The following VNN1 variants were observed in gnomAD, a reference collection of about 807,000 sequenced individuals.
VNN1 encodes pantetheinase.
A neutral mutation model predicts 41.9 loss-of-function variants in VNN1; 29 were observed. The observed-to-expected ratio is 0.69, with a 90% CI of 0.52 to 0.94. VNN1 has a LOEUF of 0.94. Ranked by LOEUF, VNN1 falls within the 40% of genes least tolerant of loss-of-function variation. The pLI is 0.00. For missense variants in VNN1, 637 were observed against 621.1 expected (o/e 1.03, Z -0.27); for synonymous variants, 233 against 224.4 (o/e 1.04, Z -0.34).
Position 132,696,921 on chromosome 6 carries a change from C to T in VNN1, c.342-2739G>A, listed in dbSNP as rs113665641. On this transcript the variant is annotated intron_variant, in intron 2 of 6. Coordinates refer to ENST00000367928, the MANE Select transcript of VNN1 (RefSeq NM_004666.3). ...GAGATCGAGACCATCCTGGCTAACA[C>T]GGTGAAACCCCGTCTCCACTAAAAA... 7.7e-3 allele frequency among the ~76,000 whole-genome samples: 1,171 copies of T among 151,874 alleles called. 18 individuals are homozygous for T. The highest frequency in any genetic ancestry group is 0.027 in the African/African-American group (1,105 of 41,430).
intron 5 of VNN1, among the ~76,000 whole-genome samples, chr6:132,689,707 T>C (rs953510825): frequency 6.6e-6 from 1 of 152,230 alleles, no homozygotes; most frequent in South Asian, 2.1e-4. Context: ...GTCTCCTTTG[T>C]CGTATCATTC....
intron 2 of VNN1, among the ~76,000 whole-genome samples, chr6:132,695,938 T>C (rs1778364199): frequency 6.6e-6 from 1 of 151,704 alleles, no homozygotes; most frequent in African/African-American, 2.4e-5. Flanking sequence ...ACCAAAAAAA[T>C]CACAAATCAT....
In VNN1 at chr6:132,692,320, T is replaced by G. The variant is rs1562215522; in HGVS notation, c.1091A>C (p.His364Pro). 6.2e-7 allele frequency: 1 copy of G among 1,614,230 alleles called. No homozygotes were observed. Among genetic ancestry groups the G allele is most frequent in the East Asian group, 2.2e-5 (1 of 44,886 alleles). Residue 364 changes from histidine (H) to proline (P), a missense_variant, in exon 5 of 7, where the codon CAT becomes CCT. His to Pro is a moderately conservative substitution (Grantham distance 77). Coordinates refer to ENST00000367928, the MANE Select transcript of VNN1 (RefSeq NM_004666.3). The stretch of plus-strand genomic sequence containing the variant: ...GTTCTCAGACATTTTGTAGCTTAAA[T>G]GACAGCAGAGATCTTTCTGACAAAC... ...YTVCQKDLCC[H>P]LSYKMSENIP...
At position 132,709,676 on chromosome 6, in the gene VNN1, G is replaced by A. The variant is rs905251529; in HGVS notation, c.341+2033C>T. Among the ~76,000 whole-genome samples, 109 of 148,982 alleles carry A rather than the reference G, an allele frequency of 7.3e-4. 1 individual carries two copies. In the East Asian group the frequency reaches 0.018, roughly 25 times the overall value. ...GTCTCTCTCTCAAAAAAAAAAAAAA[G>A]AGAGAGAGAGACAGAGAGAATTAAG... On this transcript the variant is annotated intron_variant, in intron 2 of 6. Coordinates refer to ENST00000367928, the MANE Select transcript of VNN1 (RefSeq NM_004666.3).
chr6:132,712,737 A>G (rs540122243), intron 1 of VNN1, among the ~76,000 whole-genome samples: 7 of 152,328 alleles, frequency 4.6e-5, no homozygotes, highest in South Asian at 2.1e-4. Context: ...GCACCTTCCA[A>G]TTAGAGAGTC....
intron 1 of VNN1, among the ~76,000 whole-genome samples, chr6:132,712,490 T>C (rs1778616810): frequency 6.6e-6 from 1 of 152,162 alleles, no homozygotes; most frequent in African/African-American, 2.4e-5. Context: ...CATTGTTGTT[T>C]CCTATGGCAG....
In VNN1 at chr6:132,681,202, C is replaced by T. The variant is rs1778114727; in HGVS notation, c.*1938G>A. Among the ~76,000 whole-genome samples, 1 of 152,164 alleles carries T rather than the reference C, an allele frequency of 6.6e-6. No individual in the cohort carries two copies. The highest frequency in any genetic ancestry group is 2.1e-4 in the South Asian group (1 of 4,822). On this transcript the variant is annotated 3_prime_UTR_variant, in exon 7 of 7. Transcript: ENST00000367928. ...TTAGGTTTTCAAAGACTGTGGCTTA[C>T]ATCCAAGTTCCCTCGCTCTTTCTCT... is the stretch of plus-strand genomic sequence containing the variant.
intron 2 of VNN1, among the ~76,000 whole-genome samples, chr6:132,708,221 A>T (rs541038380): frequency 3.8e-4 from 58 of 152,342 alleles, no homozygotes; most frequent in African/African-American, 1.4e-3. Flanking sequence ...ACAAAATTGT[A>T]CTTCTCTTAG....
At chr6:132,707,550 C>T (rs576260583) in intron 2 of VNN1, among the ~76,000 whole-genome samples, 1 of 152,300 alleles carries the variant, frequency 6.6e-6, no homozygotes, top group South Asian at 2.1e-4. Flanking sequence ...CCGTGTGGTA[C>T]ATGTACACAA....
At chr6:132,699,122 C>A in intron 2 of VNN1, 2 of 316,832 alleles carry the variant, frequency 6.3e-6, no homozygotes, top group South Asian at 3.6e-5. Flanking sequence ...AAGGGATGTC[C>A]CATTGGCAAC....
intron 5 of VNN1, among the ~76,000 whole-genome samples, chr6:132,689,172 A>C (rs949785254): frequency 1.3e-5 from 2 of 151,992 alleles, no homozygotes; most frequent in Non-Finnish European, 2.9e-5. Flanking sequence ...AGGCCACTGC[A>C]CTGGACCTGA....
chr6:132,704,770 T>G (rs57000258), intron 2 of VNN1, among the ~76,000 whole-genome samples: 2,904 of 151,766 alleles, frequency 0.019, 102 homozygotes, highest in African/African-American at 0.067. Flanking sequence ...AGTTTCTTTT[T>G]GAAAAGATAA....
intron 2 of VNN1, among the ~76,000 whole-genome samples, chr6:132,706,617 C>G (rs1160908698): frequency 6.6e-6 from 1 of 152,124 alleles, no homozygotes; most frequent in Non-Finnish European, 1.5e-5. Context: ...TTGAGTAATA[C>G]CCCACAGGCA....
chr6:132,691,200 T>C lies in VNN1; in HGVS notation c.1188+1023A>G, dbSNP rs143810020. 9.8e-5 allele frequency among the ~76,000 whole-genome samples: 15 copies of C among 152,324 alleles called. No homozygotes were observed. In the East Asian group the frequency reaches 2.9e-3, roughly 29 times the overall value. On this transcript the variant is annotated intron_variant, in intron 5 of 6. Transcript: ENST00000367928. ...ATGTTAAGAAATTTGATTTGTCAATTAGAAGTCAGTGAAGAATTTTAAGCC... is the reference window on the plus strand; with the variant it reads ...ATGTTAAGAAATTTGATTTGTCAATCAGAAGTCAGTGAAGAATTTTAAGCC...
At position 132,681,054 on chromosome 6, in the gene VNN1, C is replaced by T. The variant is rs914952836; in HGVS notation, c.*2086G>A. Among the ~76,000 whole-genome samples the T allele has an allele frequency of 6.6e-6, 1 of 152,052 alleles. No homozygotes were observed. Among genetic ancestry groups the T allele is most frequent in the Admixed American group, 6.5e-5 (1 of 15,278 alleles). ...TACATATATTCACTATGATAGCATC[C>T]AAAATGGCCCCCATGAAGCCCCACC... is the stretch of plus-strand genomic sequence containing the variant. On this transcript the variant is annotated 3_prime_UTR_variant, in exon 7 of 7. Transcript: ENST00000367928.
At chr6:132,694,272 T>C in intron 2 of VNN1, 90 bp from the exon 3 acceptor site, 1 of 1,258,500 alleles carries the variant, frequency 7.9e-7, no homozygotes, top group Non-Finnish European at 1.1e-6. Context: ...AAACCTATTA[T>C]TTGATATATG....
intron 1 of VNN1, among the ~76,000 whole-genome samples, chr6:132,712,937 A>C (rs4897611): frequency 0.74 from 112,125 of 152,160 alleles, 42,678 homozygotes; most frequent in East Asian, 0.94. Flanking sequence ...GAGTTCAAGT[A>C]CAGCGTGGGC....
chr6:132,700,243 T>C (rs2745443), intron 2 of VNN1, among the ~76,000 whole-genome samples: 66,394 of 151,980 alleles, frequency 0.44, 15,718 homozygotes, highest in African/African-American at 0.61. Context: ...AGCAGTTAGA[T>C]GACTGTAAAG....
At chr6:132,698,312 T>C (rs1172488492) in intron 2 of VNN1, among the ~76,000 whole-genome samples, 1 of 152,210 alleles carries the variant, frequency 6.6e-6, no homozygotes, top group Non-Finnish European at 1.5e-5. Flanking sequence ...CGGAAAGATA[T>C]TTACTAATCT....
Sources: gnomAD v4.1 joint callset for allele counts (sites outside exome capture counted in the v4.1 genomes callset) on GRCh38, gnomAD v4.1.1 for gene constraint, MANE v1.5 for transcripts, NCBI Gene and HGNC (gene_info 2026-07-23, HGNC 2026-07-21) for gene names.